The following FUT8 variants were observed in gnomAD, a reference collection of about 807,000 sequenced individuals.
FUT8 encodes the protein fucosyltransferase 8.
Under a neutral mutation model 71.3 loss-of-function variants are expected in FUT8, and 29 were observed. That is an observed-to-expected ratio of 0.41 (90% CI 0.30 to 0.55). The LOEUF (loss-of-function observed/expected upper bound fraction) is 0.55, where lower values mean the gene tolerates loss of function less well. FUT8 is among the 20% of genes least tolerant of loss of function. FUT8 has a pLI of 0.34. For missense variants in FUT8, 544 were observed against 702.1 expected (o/e 0.77, Z 2.55); for synonymous variants, 254 against 239.3 (o/e 1.06, Z -0.57).
chr14:65,652,313 C>T lies in FUT8; in HGVS notation c.598-16930C>T, dbSNP rs751473681. Among the ~76,000 whole-genome samples, 108 of 152,254 alleles carry T rather than the reference C, an allele frequency of 7.1e-4. 1 individual carries two copies. Among genetic ancestry groups the T allele is most frequent in the Non-Finnish European group, 7.4e-4 (50 of 68,020 alleles). On this transcript the variant is annotated intron_variant, in intron 6 of 10. Transcript: ENST00000673929. The surrounding 1 kb of genome is among the most constrained non-coding windows in gnomAD (Gnocchi z 4.0). ...TATGCCCTCTGCTAGGATGGCTGTG[C>T]GATTTGCTCCTGGTTGATTCAATAT...
intron 5 of FUT8, chr14:65,617,062 T>C: frequency 6.3e-7 from 1 of 1,581,730 alleles, no homozygotes; most frequent in South Asian, 1.2e-5. Context: ...TTAGGCCTGT[T>C]ATATTTAAAA....
chr14:65,656,783 A>G (rs966634657), intron 6 of FUT8, among the ~76,000 whole-genome samples: 2 of 152,210 alleles, frequency 1.3e-5, no homozygotes, highest in African/African-American at 4.8e-5. Flanking sequence ...TATAGTAACC[A>G]AAACAGCATG....
chr14:65,518,000 G>A lies in FUT8; in HGVS notation c.-227-43337G>A, dbSNP rs530112279. Among the ~76,000 whole-genome samples, 22 of 152,282 alleles carry A rather than the reference G, an allele frequency of 1.4e-4. No homozygotes were observed. In the South Asian group the frequency reaches 4.4e-3, roughly 30 times the overall value. ...AGGCTAAAACTTTGAAATAAAAACA[G>A]TTTGGTATGTTTCAGTGGTCTCTTT... On this transcript the variant is annotated intron_variant, in intron 2 of 10. Coordinates refer to ENST00000673929, the MANE Select transcript of FUT8 (RefSeq NM_001371533.1).
chr14:65,481,605 C>T (rs1016247856), intron 2 of FUT8, among the ~76,000 whole-genome samples: 2 of 152,002 alleles, frequency 1.3e-5, no homozygotes, highest in Non-Finnish European at 2.9e-5. Context: ...TAATCTTTTC[C>T]CCCACTACTA....
chr14:65,677,152 G>GCGCGCGCA (rs1892781085), intron 7 of FUT8, among the ~76,000 whole-genome samples: 1 of 59,480 alleles, frequency 1.7e-5, no homozygotes, highest in African/African-American at 5.0e-5. Flanking sequence ...GTGTGTGTGT[G>GCGCGCGCA]CGCGCGCGCA....
intron 2 of FUT8, among the ~76,000 whole-genome samples, chr14:65,531,598 A>T (rs563050601): frequency 2.8e-4 from 43 of 152,268 alleles, no homozygotes; most frequent in South Asian, 6.2e-4. Flanking sequence ...ACAAAATTTG[A>T]TTTCATTACC....
intron 1 of FUT8, among the ~76,000 whole-genome samples, chr14:65,436,520 T>A (rs2065562273): frequency 1.3e-5 from 2 of 149,750 alleles, no homozygotes; most frequent in Non-Finnish European, 3.0e-5. Context: ...GTCCAGCTAC[T>A]GGGGAGGCTG....
chr14:65,568,180 C>T (rs533489619), intron 3 of FUT8, among the ~76,000 whole-genome samples: 17 of 151,522 alleles, frequency 1.1e-4, no homozygotes, highest in Non-Finnish European at 2.2e-4. Flanking sequence ...TTCATTTTAT[C>T]AGCATGTTCA....
At chr14:65,723,943 G>A (rs182908833) in intron 8 of FUT8, among the ~76,000 whole-genome samples, 2 of 152,146 alleles carry the variant, frequency 1.3e-5, no homozygotes, top group East Asian at 3.9e-4. Context: ...AATTCCCCTT[G>A]TATTGTTTAG....
chr14:65,611,277 ACACACACACACACACACACACACACC>A (rs1566851448), intron 3 of FUT8, among the ~76,000 whole-genome samples: 2,632 of 56,702 alleles, frequency 0.046, 366 homozygotes, highest in Middle Eastern at 0.075. Flanking sequence ...ACACACACAC[ACACACACACACACACACACACACACC>A]CCCCAAGTAA....
intron 1 of FUT8, among the ~76,000 whole-genome samples, chr14:65,436,137 C>G (rs118132148): frequency 0.017 from 2,642 of 151,820 alleles, 49 homozygotes; most frequent in Non-Finnish European, 0.019. Flanking sequence ...CACTGTGTTG[C>G]CCAGGCTGTA....
chr14:65,718,911 G>A (rs765516784), intron 7 of FUT8, among the ~76,000 whole-genome samples: 2 of 152,042 alleles, frequency 1.3e-5, no homozygotes, highest in Non-Finnish European at 2.9e-5. Flanking sequence ...TTGACCTTTG[G>A]AAGTTTGGTT....
chr14:65,545,840 A>G (rs1003796256), intron 2 of FUT8, among the ~76,000 whole-genome samples: 3 of 151,816 alleles, frequency 2.0e-5, no homozygotes, highest in African/African-American at 7.2e-5. Context: ...ATTGTCTGAA[A>G]TTTGTGAAAA....
intron 1 of FUT8, among the ~76,000 whole-genome samples, chr14:65,429,788 G>A (rs574584567): frequency 9.4e-5 from 14 of 148,286 alleles, no homozygotes; most frequent in Non-Finnish European, 1.6e-4. Flanking sequence ...ACTTGAGCAC[G>A]GGAGGTCAAG....
intron 7 of FUT8, 29 bp from the exon 8 acceptor site, chr14:65,721,746 G>T (rs1185227549): frequency 1.2e-6 from 2 of 1,611,596 alleles, no homozygotes; most frequent in Non-Finnish European, 1.7e-6. Flanking sequence ...ATACCATGTG[G>T]TAATGATTAT....
At chr14:65,460,728 T>C (rs2065957999) in intron 2 of FUT8, among the ~76,000 whole-genome samples, 1 of 152,166 alleles carries the variant, frequency 6.6e-6, no homozygotes, top group Admixed American at 6.5e-5. Context: ...GGTAGGGTCT[T>C]AGAGAGGTCA....
Position 65,611,261 on chromosome 14 carries a change from A to AAGTAATAGCCTTGATTTTG in FUT8, c.204-4717_204-4716insAGTAATAGCCTTGATTTTG, listed in dbSNP as rs1566851252. On this transcript the variant is annotated intron_variant, in intron 3 of 10. Coordinates refer to ENST00000673929, the MANE Select transcript of FUT8 (RefSeq NM_001371533.1). ...CACACACACACACACACACACACACACACACACACACACACACACACACAC... is the reference window on the plus strand; with the variant it reads ...CACACACACACACACACACACACACAAGTAATAGCCTTGATTTTGCACACACACACACACACACACACAC... 3.2e-4 allele frequency among the ~76,000 whole-genome samples: 23 copies of AAGTAATAGCCTTGATTTTG among 72,894 alleles called. 2 individuals carry two copies. The highest frequency in any genetic ancestry group is 2.3e-3 in the African/African-American group (23 of 9,852). 47.8% of individuals were successfully genotyped at this position (72,894 alleles called of 152,430 possible).
chr14:65,463,826 G>C (rs1341226105), intron 2 of FUT8, among the ~76,000 whole-genome samples: 1 of 152,140 alleles, frequency 6.6e-6, no homozygotes, highest in Non-Finnish European at 1.5e-5. Context: ...ATATTTTCTA[G>C]TTTCAGAGAA....
intron 6 of FUT8, among the ~76,000 whole-genome samples, chr14:65,641,200 A>G (rs1890812469): frequency 1.3e-5 from 2 of 152,172 alleles, no homozygotes; most frequent in South Asian, 4.1e-4. Context: ...CACAGGTTTA[A>G]CTCAGATCTG....
Sources: allele counts gnomAD v4.1 joint callset (sites outside exome capture counted in the v4.1 genomes callset), GRCh38; gene constraint gnomAD v4.1.1; non-coding constraint Gnocchi (gnomAD v3.1); transcripts MANE v1.5; gene names NCBI Gene and HGNC (gene_info 2026-07-23, HGNC 2026-07-21).